Variants in CYFIP2 observed in about 807,000 individuals in gnomAD.
The protein encoded by CYFIP2 is cytoplasmic FMR1-interacting protein 2.
A neutral mutation model predicts 158.7 loss-of-function variants in CYFIP2; 29 were observed. The observed-to-expected ratio is 0.18, with a 90% confidence interval of 0.14 to 0.25. The LOEUF is 0.25. CYFIP2 is among the 10% of genes least tolerant of loss of function. CYFIP2 has a pLI of 1.00. For missense variants in CYFIP2, 852 were observed against 1,639.5 expected (o/e 0.52, Z 8.29); for synonymous variants, 585 against 617.6 (o/e 0.95, Z 0.78).
At chr5:157,382,246 A>G (rs1766201754) in intron 26 of CYFIP2, among the ~76,000 whole-genome samples, 1 of 151,928 alleles carries the variant, frequency 6.6e-6, no homozygotes, top group South Asian at 2.1e-4. Context: ...GGCCCATCAT[A>G]TGTTTGATTC....
At chr5:157,383,064 C>T (rs10515750) in intron 27 of CYFIP2, among the ~76,000 whole-genome samples, 10,829 of 152,168 alleles carry the variant, frequency 0.071, 420 homozygotes, top group Middle Eastern at 0.1. Flanking sequence ...AGAAGGCAGA[C>T]GATTCCATTC....
chr5:157,351,142 A>G (rs1454897812), intron 23 of CYFIP2, among the ~76,000 whole-genome samples: 1 of 151,992 alleles, frequency 6.6e-6, no homozygotes, highest in Non-Finnish European at 1.5e-5. Context: ...CTCGGGGGAA[A>G]TTCCCCCACT....
At chr5:157,351,799 A>T (rs1263222674) in intron 23 of CYFIP2, among the ~76,000 whole-genome samples, 6 of 152,194 alleles carry the variant, frequency 3.9e-5, no homozygotes, top group Non-Finnish European at 4.4e-5. Flanking sequence ...CCAGGACTTC[A>T]TAGTATGGTG....
rs956450424 is a variant in CYFIP2 at position 157,358,991 on chromosome 5, C to T, written c.2674-14C>T. ...GTACTCAGGCACTTATTTGCCACTACCTCTGTTTTCCAGCCTCTCAACATT... is the reference window on the plus strand; with the variant it reads ...GTACTCAGGCACTTATTTGCCACTATCTCTGTTTTCCAGCCTCTCAACATT... On this transcript the variant is annotated splice_polypyrimidine_tract_variant and intron_variant, in intron 23 of 30. Transcript: ENST00000620254. 2 of 1,613,856 alleles carry T rather than the reference C, an allele frequency of 1.2e-6. No homozygotes were observed. Among genetic ancestry groups the T allele is most frequent in the African/African-American group, 1.3e-5 (1 of 74,930 alleles).
At chr5:157,315,523 A>T (rs1213589673) in intron 13 of CYFIP2, among the ~76,000 whole-genome samples, 1 of 152,166 alleles carries the variant, frequency 6.6e-6, no homozygotes, top group East Asian at 1.9e-4. Context: ...AGACATTCTC[A>T]TGTCTTTAGT....
intron 9 of CYFIP2, among the ~76,000 whole-genome samples, 199 bp from the exon 10 acceptor site, chr5:157,309,544 T>C (rs1399146068): frequency 6.6e-6 from 1 of 152,164 alleles, no homozygotes; most frequent in Admixed American, 6.5e-5. Context: ...ATAGAGTTGG[T>C]TGGAGGCAGG....
chr5:157,305,515 G>A (rs1759140165), intron 8 of CYFIP2, among the ~76,000 whole-genome samples: 1 of 152,130 alleles, frequency 6.6e-6, no homozygotes, highest in African/African-American at 2.4e-5. Context: ...AACACTTTTA[G>A]CATTTTCTTT....
intron 23 of CYFIP2, among the ~76,000 whole-genome samples, chr5:157,346,817 C>T (rs371910367): frequency 4.6e-5 from 7 of 152,324 alleles, no homozygotes; most frequent in African/African-American, 1.2e-4. Flanking sequence ...TTGGAGTTGA[C>T]GCCAGAAATG....
Position 157,311,592 on chromosome 5 carries a change from G to C in CYFIP2, c.993-72G>C. On this transcript the variant is annotated intron_variant, in intron 10 of 30. Transcript: ENST00000620254. The surrounding 1 kb of genome is among the most constrained non-coding windows in gnomAD (Gnocchi z 4.7). ...GTTGGCCACGTGGGCTGAGCACCAG[G>C]AGCAGCTAATGCCTGTTCCACCCAG... is the stretch of plus-strand genomic sequence containing the variant. The C allele has an allele frequency of 7.2e-7, 1 of 1,381,552 alleles. No homozygotes were observed. The highest frequency in any genetic ancestry group is 1.3e-5 in the South Asian group (1 of 75,562). The allele number at this position is 1,381,552 out of a possible 1,614,324, so 85.6% of individuals were successfully genotyped here.
At chr5:157,310,263 G>A (rs1022760522) in intron 10 of CYFIP2, among the ~76,000 whole-genome samples, 7 of 152,180 alleles carry the variant, frequency 4.6e-5, no homozygotes, top group South Asian at 4.1e-4. Flanking sequence ...ACCTTCGGCC[G>A]CTTTATAAAC....
In CYFIP2 at chr5:157,350,395, G is replaced by A. The variant is rs549128901; in HGVS notation, c.2674-8610G>A. The stretch of plus-strand genomic sequence containing the variant: ...TGAAAAGGGTGTCTGTCCTTTCCCC[G>A]CTTTATATTTTTGTTTGCTTTGTCA... On this transcript the variant is annotated intron_variant, in intron 23 of 30. Transcript: ENST00000620254. Among the ~76,000 whole-genome samples the A allele has an allele frequency of 2.0e-4, 31 of 152,078 alleles. 1 individual carries two copies. Among genetic ancestry groups the A allele is most frequent in the South Asian group, 2.1e-4 (1 of 4,804 alleles).
intron 23 of CYFIP2, among the ~76,000 whole-genome samples, chr5:157,353,866 T>C (rs970413616): frequency 1.1e-4 from 16 of 152,204 alleles, no homozygotes; most frequent in Admixed American, 9.2e-4. Context: ...GAGATGCAAA[T>C]TGCTTACAAA....
chr5:157,360,428 C>A, intron 25 of CYFIP2, 56 bp downstream of exon 25: 3 of 1,472,644 alleles, frequency 2.0e-6, no homozygotes, highest in South Asian at 1.2e-5. Context: ...GAGGCTCTGA[C>A]CATCCACCTT....
intron 26 of CYFIP2, among the ~76,000 whole-genome samples, chr5:157,368,910 T>G (rs1480471128): frequency 2.6e-5 from 4 of 151,418 alleles, no homozygotes; most frequent in Non-Finnish European, 4.4e-5. Context: ...TTGTTTTTTT[T>G]TTTTTTGAGA....
intron 21 of CYFIP2, among the ~76,000 whole-genome samples, chr5:157,335,174 A>T (rs1761760760): frequency 6.6e-6 from 1 of 152,210 alleles, no homozygotes; most frequent in Admixed American, 6.5e-5. Context: ...AGCTTCTCCA[A>T]GCCTGTTTCC....
At chr5:157,327,829 C>T (rs1049755364) in intron 18 of CYFIP2, 144 bp from the exon 19 acceptor site, 1 of 691,450 alleles carries the variant, frequency 1.4e-6, no homozygotes, top group Admixed American at 2.8e-5. Context: ...CCAAACTTAG[C>T]CACAGAATAT....
intron 1 of CYFIP2, among the ~76,000 whole-genome samples, chr5:157,276,106 A>G (rs377460156): frequency 1.3e-5 from 2 of 152,288 alleles, no homozygotes; most frequent in African/African-American, 4.8e-5. Flanking sequence ...GAATAGTTTT[A>G]CTTTTTCCTT....
At chr5:157,273,859 G>C (rs116164832) in intron 1 of CYFIP2, among the ~76,000 whole-genome samples, 139 of 152,300 alleles carry the variant, frequency 9.1e-4, no homozygotes, top group African/African-American at 3.3e-3. Context: ...TTCAGGGCAG[G>C]CATGGTGGCT....
rs550322670 is a variant in CYFIP2 at position 157,346,838 on chromosome 5, G to C, written c.2673+5681G>C. On this transcript the variant is annotated intron_variant, in intron 23 of 30. Coordinates refer to ENST00000620254, the MANE Select transcript of CYFIP2 (RefSeq NM_001037333.3). ...TTGACGCCAGAAATGGAAACTGTTT[G>C]CTACTCCTGGATTGAATCATCCCCA... 5.9e-5 allele frequency among the ~76,000 whole-genome samples: 9 copies of C among 152,294 alleles called. No individual in the cohort carries two copies. The South Asian group carries it at 1.5e-3, about 25-fold the overall frequency.
Sources: gnomAD v4.1 joint callset for allele counts (sites outside exome capture counted in the v4.1 genomes callset) on GRCh38, gnomAD v4.1.1 for gene constraint, Gnocchi (gnomAD v3.1) non-coding constraint, MANE v1.5 for transcripts, NCBI Gene and HGNC (gene_info 2026-07-23, HGNC 2026-07-21) for gene names.